The following CACNA2D1 variants were observed in gnomAD, a reference collection of about 807,000 sequenced individuals.
CACNA2D1 encodes calcium voltage-gated channel auxiliary subunit alpha2delta 1.
A neutral mutation model predicts 171.5 loss-of-function variants in CACNA2D1; 53 were observed. The ratio of observed to expected loss-of-function variants is 0.31; its 90% CI spans 0.25 to 0.39. The LOEUF is 0.39. CACNA2D1 is among the 10% of genes least tolerant of loss of function. The pLI, the probability that CACNA2D1 is intolerant of heterozygous loss-of-function variation, is 1.00. For missense variants in CACNA2D1, 903 were observed against 1,299.8 expected, an observed-to-expected ratio of 0.69 and a Z score of 4.69; for synonymous variants, 442 against 443.1, an observed-to-expected ratio of 1.00 and a Z score of 0.03.
intron 3 of CACNA2D1, among the ~76,000 whole-genome samples, chr7:82,264,625 G>A (rs970317687): frequency 5.3e-5 from 8 of 152,122 alleles, no homozygotes; most frequent in Non-Finnish European, 1.0e-4. Context: ...CTGACCTGAA[G>A]AGAAATGAAG....
chr7:82,422,323 T>G (rs774249848), intron 1 of CACNA2D1, among the ~76,000 whole-genome samples: 1 of 152,172 alleles, frequency 6.6e-6, no homozygotes, highest in Non-Finnish European at 1.5e-5. Context: ...TCATCCTTGA[T>G]GAATAACCTC....
chr7:81,992,568 C>A (rs151308988), intron 20 of CACNA2D1, among the ~76,000 whole-genome samples: 1 of 151,908 alleles, frequency 6.6e-6, no homozygotes, highest in Non-Finnish European at 1.5e-5. Context: ...ACAGGGCAAG[C>A]AAGTGTTGGT....
At chr7:81,987,751 G>T (rs980650371) in intron 21 of CACNA2D1, among the ~76,000 whole-genome samples, 1 of 152,124 alleles carries the variant, frequency 6.6e-6, no homozygotes, top group Non-Finnish European at 1.5e-5. Flanking sequence ...CTTGGAAAGC[G>T]AATGTGTGAG....
chr7:82,136,485 T>C (rs868239646), intron 5 of CACNA2D1, 150 bp downstream of exon 5: 14 of 587,076 alleles, frequency 2.4e-5, no homozygotes, highest in African/African-American at 1.9e-4. Flanking sequence ...ATCACAAAAG[T>C]TCTTCATTAT....
intron 1 of CACNA2D1, among the ~76,000 whole-genome samples, chr7:82,368,012 A>G (rs1821945397): frequency 6.6e-6 from 1 of 152,182 alleles, no homozygotes; most frequent in Non-Finnish European, 1.5e-5. Flanking sequence ...AAATTTCAAA[A>G]TTCAAGAAGG....
intron 3 of CACNA2D1, among the ~76,000 whole-genome samples, chr7:82,263,692 C>T (rs1203379893): frequency 4.6e-5 from 7 of 152,010 alleles, no homozygotes; most frequent in African/African-American, 1.4e-4. Flanking sequence ...TGTTTTGTTT[C>T]GTTTTGTTTT....
intron 4 of CACNA2D1, among the ~76,000 whole-genome samples, chr7:82,139,968 A>ATTATTG (rs1563105863): frequency 6.7e-6 from 1 of 149,712 alleles, no homozygotes; most frequent in African/African-American, 2.5e-5. Context: ...TATTATTATT[A>ATTATTG]TTATTATTAA....
At chr7:82,049,586 A>G (rs1804966040) in intron 10 of CACNA2D1, among the ~76,000 whole-genome samples, 1 of 152,178 alleles carries the variant, frequency 6.6e-6, no homozygotes, top group African/African-American at 2.4e-5. Flanking sequence ...TTGTACACAC[A>G]GTTAACAGTA....
intron 29 of CACNA2D1, 94 bp downstream of exon 29, chr7:81,968,793 G>T: frequency 1.3e-6 from 1 of 769,796 alleles, no homozygotes; most frequent in South Asian, 1.5e-5. Flanking sequence ...GACACCTTTT[G>T]ATGACCTTCT....
At chr7:82,282,065 G>A (rs1261372510) in intron 3 of CACNA2D1, among the ~76,000 whole-genome samples, 1 of 152,184 alleles carries the variant, frequency 6.6e-6, no homozygotes, top group Non-Finnish European at 1.5e-5. Context: ...GGGAGGCCGA[G>A]GTGGGTGGAA....
At chr7:82,107,435 T>G (rs1461453106) in intron 6 of CACNA2D1, among the ~76,000 whole-genome samples, 1 of 152,080 alleles carries the variant, frequency 6.6e-6, no homozygotes, top group Non-Finnish European at 1.5e-5. Flanking sequence ...TCCCTTCCTC[T>G]CTCTGCTTCT....
intron 1 of CACNA2D1, 43 bp downstream of exon 1, chr7:82,443,322 G>A (rs890901652): frequency 4.6e-5 from 71 of 1,552,150 alleles, no homozygotes; most frequent in Non-Finnish European, 6.1e-5. Context: ...CAACTCCCGC[G>A]GCGCCCCTCG....
intron 6 of CACNA2D1, among the ~76,000 whole-genome samples, chr7:82,102,909 A>G (rs767911918): frequency 6.6e-6 from 1 of 152,216 alleles, no homozygotes; most frequent in Non-Finnish European, 1.5e-5. Flanking sequence ...AGCACAAAAC[A>G]CTAAGATGTA....
At chr7:82,168,763 C>T (rs1371027464) in intron 4 of CACNA2D1, among the ~76,000 whole-genome samples, 1 of 152,020 alleles carries the variant, frequency 6.6e-6, no homozygotes, top group Non-Finnish European at 1.5e-5. Flanking sequence ...TTTTTTTCCA[C>T]ATTATTGCTC....
Position 81,960,284 on chromosome 7 carries a change from G to C in CACNA2D1, c.2967-455C>G, listed in dbSNP as rs544241337. Among the ~76,000 whole-genome samples the C allele has an allele frequency of 2.5e-4, 38 of 152,190 alleles. 1 individual carries two copies. In the South Asian group the frequency reaches 7.5e-3, roughly 30 times the overall value. ...CAGTGCTATTAAGCAAACTTTCTGT[G>C]AAGATGGAAAAGTTGTTCGCACTGT... On this transcript the variant is annotated intron_variant, in intron 36 of 38. Coordinates refer to ENST00000356860, the MANE Select transcript of CACNA2D1 (RefSeq NM_000722.4).
At chr7:82,124,888 C>T (rs1790153319) in intron 5 of CACNA2D1, among the ~76,000 whole-genome samples, 2 of 151,674 alleles carry the variant, frequency 1.3e-5, no homozygotes, top group Admixed American at 6.6e-5. Flanking sequence ...TATAAGACAG[C>T]TTTTTAAAAA....
chr7:82,273,130 G>A (rs758412982), intron 3 of CACNA2D1, among the ~76,000 whole-genome samples: 1 of 151,946 alleles, frequency 6.6e-6, no homozygotes, highest in African/African-American at 2.4e-5. Flanking sequence ...TACCAACTTC[G>A]TTGCCTAAAA....
chr7:82,328,791 T>C (rs1816944372), intron 3 of CACNA2D1, among the ~76,000 whole-genome samples: 1 of 152,284 alleles, frequency 6.6e-6, no homozygotes, highest in Admixed American at 6.5e-5. Context: ...CCAGATAAAT[T>C]TCTTGCCAAT....
intron 7 of CACNA2D1, among the ~76,000 whole-genome samples, chr7:82,076,297 CAAAGA>C (rs1320280024): frequency 6.6e-6 from 1 of 152,080 alleles, no homozygotes; most frequent in Non-Finnish European, 1.5e-5. Context: ...TAGTATACAG[CAAAGA>C]AAACCACGTA....
Sources: gnomAD v4.1 joint callset for allele counts (sites outside exome capture counted in the v4.1 genomes callset) on GRCh38, gnomAD v4.1.1 for gene constraint, MANE v1.5 for transcripts, NCBI Gene and HGNC (gene_info 2026-07-23, HGNC 2026-07-21) for gene names.